ADAM19: variants seen among roughly 807,000 people sequenced by gnomAD.
ADAM19 encodes the protein ADAM metallopeptidase domain 19.
Under a neutral mutation model 114.7 loss-of-function variants are expected in ADAM19, and 65 were observed. That is an observed-to-expected ratio of 0.57 (90% CI 0.46 to 0.70). The LOEUF (loss-of-function observed/expected upper bound fraction) is 0.70, where lower values mean the gene tolerates loss of function less well. Ranked by LOEUF, ADAM19 falls within the 30% of genes least tolerant of loss-of-function variation. The pLI is 0.00. For synonymous variants in ADAM19, 466 were observed against 460.5 expected, an observed-to-expected ratio of 1.01 and a Z score of -0.15; for missense variants, 1,063 against 1,204.7, an observed-to-expected ratio of 0.88 and a Z score of 1.74.
chr5:157,543,909 T>C (rs1414504258), intron 3 of ADAM19, among the ~76,000 whole-genome samples: 7 of 152,234 alleles, frequency 4.6e-5, no homozygotes, highest in Non-Finnish European at 1.0e-4. Flanking sequence ...CAGTGAGTAT[T>C]GTTTTGTTTT....
intron 3 of ADAM19, among the ~76,000 whole-genome samples, chr5:157,557,662 G>A (rs1467795303): frequency 6.6e-6 from 1 of 152,148 alleles, no homozygotes; most frequent in Non-Finnish European, 1.5e-5. Context: ...CAAGATCAAG[G>A]GATCAGCAGA....
intron 3 of ADAM19, among the ~76,000 whole-genome samples, chr5:157,540,516 C>T (rs1756886945): frequency 6.6e-6 from 1 of 152,164 alleles, no homozygotes; most frequent in East Asian, 1.9e-4. Context: ...GCCTCTCTGA[C>T]CCTCAGCACT....
rs116918384 is a variant in ADAM19 at position 157,483,291 on chromosome 5, C to A, written c.2551-1348G>T. Among the ~76,000 whole-genome samples the A allele has an allele frequency of 1.7e-4, 26 of 152,202 alleles. No individual in the cohort carries two copies. The East Asian group carries it at 4.4e-3, about 26-fold the overall frequency. ...TGTTAGAGAACTATTTGCACACGTG[C>A]ACAAAAATGAAACTGCAAGGTTGTT... On this transcript the variant is annotated intron_variant, in intron 21 of 22. Transcript: ENST00000257527.
Position 157,519,846 on chromosome 5 carries a change from G to C in ADAM19, c.593C>G (p.Pro198Arg), listed in dbSNP as rs1373129582. 6.2e-7 allele frequency: 1 copy of C among 1,610,402 alleles called. No homozygotes were observed. Among genetic ancestry groups the C allele is most frequent in the Non-Finnish European group, 8.5e-7 (1 of 1,177,536 alleles). The change falls in exon 6 of 23, where the codon CCT (proline) becomes CGT (arginine). Residue 198 changes from proline (P) to arginine (R), a missense_variant. Physicochemically the swap from Pro to Arg is moderately radical, Grantham distance 103. Transcript: ENST00000257527. ...GAGAGCCTCAAAACTCACCCTGCGA[G>C]GTCGCTTCTTGGTCTGTTGTGTAAA... ...LQFTQQTKKR[P>R]RRMKREDLNS...
intron 1 of ADAM19, among the ~76,000 whole-genome samples, chr5:157,572,569 C>T (rs1182608241): frequency 6.6e-6 from 1 of 151,968 alleles, no homozygotes; most frequent in African/African-American, 2.4e-5. Flanking sequence ...TTCAGAATAC[C>T]GATATAATGC....
At chr5:157,501,244 A>T (rs983703497) in intron 12 of ADAM19, among the ~76,000 whole-genome samples, 3 of 151,996 alleles carry the variant, frequency 2.0e-5, no homozygotes, top group Non-Finnish European at 4.4e-5. Flanking sequence ...TTCCACCTGA[A>T]ATGTGCCTTC....
intron 4 of ADAM19, among the ~76,000 whole-genome samples, chr5:157,537,028 T>C (rs1038450641): frequency 1.6e-4 from 25 of 152,368 alleles, no homozygotes; most frequent in African/African-American, 5.8e-4. Context: ...GCACTATGGA[T>C]ATTTGGAGCT....
intron 9 of ADAM19, among the ~76,000 whole-genome samples, chr5:157,507,497 G>C (rs1755783959): frequency 6.6e-6 from 1 of 152,324 alleles, no homozygotes; most frequent in African/African-American, 2.4e-5. Context: ...TTGATGGAAG[G>C]GTGGCACAGA....
rs970083834 is a variant in ADAM19, at chr5:157,539,573, A to G, written c.252-1582T>C. Among the ~76,000 whole-genome samples the G allele has an allele frequency of 1.3e-4, 20 of 152,198 alleles. 1 individual carries two copies. The highest frequency in any genetic ancestry group is 4.6e-4 in the African/African-American group (19 of 41,430). Reference sequence around the variant, plus strand: ...CTCCTGTACTATGTCAAGGCCTTCAACTTCTCGCCTTGGACAAGAAGAAAA... The same window carrying G: ...CTCCTGTACTATGTCAAGGCCTTCAGCTTCTCGCCTTGGACAAGAAGAAAA... On this transcript the variant is annotated intron_variant, in intron 3 of 22. Coordinates refer to ENST00000257527, the MANE Select transcript of ADAM19 (RefSeq NM_033274.5).
intron 3 of ADAM19, among the ~76,000 whole-genome samples, chr5:157,540,609 C>T (rs1756890738): frequency 6.6e-6 from 1 of 152,168 alleles, no homozygotes; most frequent in African/African-American, 2.4e-5. Flanking sequence ...TCTTTGAAGT[C>T]TTCTCCCCGG....
At chr5:157,528,125 G>C (rs1455803370) in intron 5 of ADAM19, among the ~76,000 whole-genome samples, 2 of 152,250 alleles carry the variant, frequency 1.3e-5, no homozygotes, top group Admixed American at 6.5e-5. Context: ...GAATGTTGCT[G>C]CTGTTGCAGC....
At chr5:157,483,778 CA>C (rs1367457058) in intron 21 of ADAM19, among the ~76,000 whole-genome samples, 10 of 151,914 alleles carry the variant, frequency 6.6e-5, no homozygotes, top group African/African-American at 2.4e-4. Flanking sequence ...GGATTACAGG[CA>C]CCCACCACCA....
rs779851864 is a variant in ADAM19 at position 157,489,188 on chromosome 5, T to A, written c.2241-2A>T. The A allele has an allele frequency of 1.2e-6, 2 of 1,611,362 alleles. No homozygotes were observed. Reference sequence around the variant, plus strand: ...TTCTGAGAAACCCTGAAGGGACAACTAGAAACAAGAAATGGGGGAGGAAAA... The same window carrying A: ...TTCTGAGAAACCCTGAAGGGACAACAAGAAACAAGAAATGGGGGAGGAAAA... On this transcript the variant is annotated splice_acceptor_variant, in intron 19 of 22. Coordinates refer to ENST00000257527, the MANE Select transcript of ADAM19 (RefSeq NM_033274.5). LOFTEE classifies it high-confidence loss of function.
intron 12 of ADAM19, among the ~76,000 whole-genome samples, chr5:157,500,928 C>T (rs184068218): frequency 1.7e-4 from 26 of 152,320 alleles, no homozygotes; most frequent in Admixed American, 3.3e-4. Context: ...ATTCCACAGA[C>T]AGGGATGCTG....
intron 13 of ADAM19, 53 bp from the exon 14 acceptor site, chr5:157,497,142 C>G (rs965001290): frequency 7.0e-7 from 1 of 1,420,010 alleles, no homozygotes. Context: ...CACCCTCAAC[C>G]CTGTTGCCCA....
At chr5:157,575,534 C>G in intron 1 of ADAM19, 69 bp downstream of exon 1, 1 of 1,224,900 alleles carries the variant, frequency 8.2e-7, no homozygotes, top group Non-Finnish European at 1.1e-6. Flanking sequence ...CCCAGCGCTC[C>G]GGACCCGCAA....
chr5:157,497,250 C>T (rs2113707324), intron 13 of ADAM19, among the ~76,000 whole-genome samples, 161 bp from the exon 14 acceptor site: 2 of 152,334 alleles, frequency 1.3e-5, no homozygotes, highest in Middle Eastern at 3.4e-3. Context: ...CACCTTCAGC[C>T]TTCTCATGTG....
chr5:157,518,626 C>T (rs10866660), intron 7 of ADAM19, among the ~76,000 whole-genome samples, 197 bp downstream of exon 7: 49,110 of 152,168 alleles, frequency 0.32, 8,296 homozygotes, highest in African/African-American at 0.41. Context: ...TCAGGTGATC[C>T]ACCCGCCTTG....
In ADAM19 at chr5:157,480,741, G is replaced by A; in HGVS notation, c.*208C>T. The A allele has an allele frequency of 7.0e-7, 1 of 1,420,386 alleles. No homozygotes were observed. Among genetic ancestry groups the A allele is most frequent in the Non-Finnish European group, 9.2e-7 (1 of 1,091,338 alleles). The allele number at this position is 1,420,386 out of a possible 1,614,324, so 88.0% of individuals were successfully genotyped here. The stretch of plus-strand genomic sequence containing the variant: ...TGTATATTGCACAAAACAACACCTA[G>A]AGGCCATCAGATCATAGTCCCTCTG... On this transcript the variant is annotated 3_prime_UTR_variant, in exon 23 of 23. Coordinates refer to ENST00000257527, the MANE Select transcript of ADAM19 (RefSeq NM_033274.5).
Sources: gnomAD v4.1 joint callset for allele counts (sites outside exome capture counted in the v4.1 genomes callset) on GRCh38, gnomAD v4.1.1 for gene constraint, MANE v1.5 for transcripts, NCBI Gene and HGNC (gene_info 2026-07-23, HGNC 2026-07-21) for gene names.